Variants in NOTCH2 observed in about 807,000 individuals in gnomAD.
The protein encoded by NOTCH2 is notch receptor 2.
Under a neutral mutation model 235.8 loss-of-function variants are expected in NOTCH2, and 29 were observed. The observed-to-expected ratio is 0.12, with a 90% confidence interval of 0.09 to 0.17. The LOEUF (loss-of-function observed/expected upper bound fraction) is 0.17. Ranked by LOEUF, NOTCH2 falls within the 10% of genes least tolerant of loss-of-function variation. NOTCH2 has a pLI of 1.00. For missense variants in NOTCH2, 2,285 were observed against 3,150.2 expected, an observed-to-expected ratio of 0.73 and a Z score of 6.57; for synonymous variants, 1,086 against 1,141.5, an observed-to-expected ratio of 0.95 and a Z score of 0.98.
chr1:120,069,096 C>G (rs1169284311), intron 1 of NOTCH2: 9 of 1,506,172 alleles, frequency 6.0e-6, no homozygotes, highest in South Asian at 1.2e-5. Flanking sequence ...GCCGAGGAGG[C>G]GTGTAAGGGG....
Position 120,069,435 on chromosome 1 carries a change from G to A in NOTCH2, c.-29C>T. ...CTCGGTCGCCTCCTCCTCCGCCGCCGCCGCCGCCGCCTGGGCAGATCCACA... is the reference window on the plus strand; with the variant it reads ...CTCGGTCGCCTCCTCCTCCGCCGCCACCGCCGCCGCCTGGGCAGATCCACA... On this transcript the variant is annotated 5_prime_UTR_variant, in exon 1 of 34. Transcript: ENST00000256646. 1.3e-6 allele frequency: 2 copies of A among 1,527,642 alleles called. No homozygotes were observed. Among genetic ancestry groups the A allele is most frequent in the South Asian group, 1.2e-5 (1 of 83,996 alleles). The allele number at this position is 1,527,642 out of a possible 1,614,324, so 94.6% of individuals were successfully genotyped here. A position where few individuals can be genotyped will look rare whatever the true frequency, so the allele number is the denominator to read the frequency against.
chr1:119,970,912 A>G (rs1402610873), intron 5 of NOTCH2, among the ~76,000 whole-genome samples: 1 of 152,224 alleles, frequency 6.6e-6, no homozygotes, highest in Non-Finnish European at 1.5e-5. Flanking sequence ...TCAACAAATA[A>G]TTTTAAAAGG....
intron 5 of NOTCH2, among the ~76,000 whole-genome samples, chr1:119,979,420 G>A (rs1050119584): frequency 2.0e-5 from 3 of 152,104 alleles, no homozygotes; most frequent in Non-Finnish European, 4.4e-5. Flanking sequence ...AAGACACAAA[G>A]GAACAATGTC....
intron 19 of NOTCH2, 55 bp downstream of exon 19, chr1:119,940,500 G>T (rs782426636): frequency 8.8e-5 from 129 of 1,472,694 alleles, no homozygotes; most frequent in Non-Finnish European, 1.1e-4. Context: ...AAGTGAACAG[G>T]TATAATATTC....
In NOTCH2 at chr1:119,935,878, T is replaced by G. The variant is rs138014832; in HGVS notation, c.3523-274A>C. 2.0e-4 allele frequency among the ~76,000 whole-genome samples: 30 copies of G among 152,348 alleles called. No individual in the cohort carries two copies. The East Asian group carries it at 5.8e-3, about 29-fold the overall frequency. On this transcript the variant is annotated intron_variant, in intron 21 of 33. Coordinates refer to ENST00000256646, the MANE Select transcript of NOTCH2 (RefSeq NM_024408.4). ...GAATACAATGAAGGATGTTTCAGAT[T>G]TGACTTGTGTGCAAACCTTTTGTTC...
chr1:119,955,171 T>C lies in NOTCH2; in HGVS notation c.2088A>G (p.Thr696=). The C allele has an allele frequency of 6.2e-7, 1 of 1,614,128 alleles. No individual in the cohort carries two copies. The highest frequency in any genetic ancestry group is 1.1e-5 in the South Asian group (1 of 91,076). ...CASNPCRKGA[T]CINGVNGFRC... ...GGAAACCATTCACACCGTTGATACATGTTGCACCCTTGCGACAGGGATTGG... is the reference window on the plus strand; with the variant it reads ...GGAAACCATTCACACCGTTGATACACGTTGCACCCTTGCGACAGGGATTGG... The change falls in exon 13 of 34, where the codon ACA becomes ACG. Residue 696 remains threonine, a synonymous_variant. Transcript: ENST00000256646.
chr1:119,980,639 TATC>T (rs1263593532), intron 5 of NOTCH2, among the ~76,000 whole-genome samples: 1 of 152,180 alleles, frequency 6.6e-6, no homozygotes, highest in Admixed American at 6.5e-5. Flanking sequence ...ATTTTGCAGT[TATC>T]ATTTATATTT....
chr1:120,015,031 C>CAA (rs1352623801), intron 2 of NOTCH2, among the ~76,000 whole-genome samples: 3,821 of 136,892 alleles, frequency 0.028, no homozygotes, highest in East Asian at 0.12. Flanking sequence ...TTTGGCCATT[C>CAA]AAAAAAAAAC....
At chr1:119,986,618 T>G (rs1553202249) in intron 5 of NOTCH2, among the ~76,000 whole-genome samples, 1 of 152,162 alleles carries the variant, frequency 6.6e-6, no homozygotes, top group African/African-American at 2.4e-5. Flanking sequence ...TTTTCCTCTT[T>G]AATATTTATT....
At chr1:119,953,466 A>G in intron 14 of NOTCH2, 77 bp downstream of exon 14, 2 of 1,470,230 alleles carry the variant, frequency 1.4e-6, no homozygotes, top group Non-Finnish European at 1.9e-6. Flanking sequence ...AGAAAAGGAA[A>G]CTAAGAAGTG....
intron 32 of NOTCH2, 132 bp downstream of exon 32, chr1:119,918,274 T>C: frequency 2.0e-6 from 2 of 1,025,410 alleles, no homozygotes; most frequent in Non-Finnish European, 1.5e-6. Flanking sequence ...AATAAATGCA[T>C]GAATGAAAGA....
At chr1:119,958,823 C>T (rs948754744) in intron 12 of NOTCH2, among the ~76,000 whole-genome samples, 15 of 151,916 alleles carry the variant, frequency 9.9e-5, no homozygotes, top group Non-Finnish European at 2.1e-4. Flanking sequence ...AAGTTATATT[C>T]AAAATTCTTC....
intron 9 of NOTCH2, 65 bp downstream of exon 9, chr1:119,966,311 C>G (rs189085990): frequency 7.6e-6 from 8 of 1,059,464 alleles, no homozygotes; most frequent in Admixed American, 6.7e-5. Flanking sequence ...TCTCCCTGCT[C>G]TCTTCCCTGT....
At chr1:119,957,237 G>C (rs1650740932) in intron 12 of NOTCH2, among the ~76,000 whole-genome samples, 1 of 152,210 alleles carries the variant, frequency 6.6e-6, no homozygotes, top group Non-Finnish European at 1.5e-5. Context: ...GAGGCCATGA[G>C]TATATACATC....
chr1:120,032,723 G>A (rs1654142006), intron 1 of NOTCH2, among the ~76,000 whole-genome samples: 1 of 120,040 alleles, frequency 8.3e-6, no homozygotes, highest in Admixed American at 8.0e-5. Flanking sequence ...CAGGGAGCCT[G>A]GGAATCTGCA....
intron 2 of NOTCH2, among the ~76,000 whole-genome samples, chr1:120,010,957 A>T (rs1653166648): frequency 6.6e-6 from 1 of 152,238 alleles, no homozygotes; most frequent in Non-Finnish European, 1.5e-5. Context: ...TGACATTCTG[A>T]TACATGCTAC....
At chr1:120,039,643 C>T (rs1268768463) in intron 1 of NOTCH2, among the ~76,000 whole-genome samples, 1 of 150,500 alleles carries the variant, frequency 6.6e-6, no homozygotes, top group Non-Finnish European at 1.5e-5. Context: ...ATCTCCTGAC[C>T]TCGTGATGCT....
chr1:119,980,447 G>A (rs1651774136), intron 5 of NOTCH2, among the ~76,000 whole-genome samples: 1 of 152,078 alleles, frequency 6.6e-6, no homozygotes, highest in South Asian at 2.1e-4. Context: ...CCTGCGTTGT[G>A]TCTCCCTCGC....
rs1411510456 is a variant in NOTCH2, at chr1:120,046,079, G to T, written c.74-16092C>A. 7.4e-5 allele frequency among the ~76,000 whole-genome samples: 11 copies of T among 149,536 alleles called. No homozygotes were observed. The East Asian group carries it at 2.1e-3, about 29-fold the overall frequency. On this transcript the variant is annotated intron_variant, in intron 1 of 33. Transcript: ENST00000256646. ...ATGCTTTAAAAATGTTTTTCTTGGG[G>T]TATACATTTTTTAAGGGTTTGAAGG...
Sources: gnomAD v4.1 joint callset for allele counts (sites outside exome capture counted in the v4.1 genomes callset) on GRCh38, gnomAD v4.1.1 for gene constraint, MANE v1.5 for transcripts, NCBI Gene and HGNC (gene_info 2026-07-23, HGNC 2026-07-21) for gene names.